The following SYT17 variants were observed in gnomAD, a reference collection of about 807,000 sequenced individuals.
The protein encoded by SYT17 is synaptotagmin 17.
In SYT17, 22 loss-of-function variants were observed where a neutral mutation model predicts 46.7. That is an observed-to-expected ratio of 0.47 (90% CI 0.34 to 0.67). The LOEUF (loss-of-function observed/expected upper bound fraction) is 0.67, where lower values mean the gene tolerates loss of function less well. Ranked by LOEUF, SYT17 falls within the 30% of genes least tolerant of loss-of-function variation. The pLI, the probability that SYT17 is intolerant of heterozygous loss-of-function variation, is 0.01. For synonymous variants in SYT17, 251 were observed against 248.4 expected, an observed-to-expected ratio of 1.01 and a Z score of -0.10; for missense variants, 519 against 612.8, an observed-to-expected ratio of 0.85 and a Z score of 1.62.
chr16:19,257,992 C>A (rs1397042923), intron 7 of SYT17, among the ~76,000 whole-genome samples: 1 of 151,920 alleles, frequency 6.6e-6, no homozygotes, highest in Non-Finnish European at 1.5e-5. Context: ...GTTTATTACA[C>A]CCACATTCTA....
At chr16:19,213,207 C>T (rs1477208063) in intron 5 of SYT17, among the ~76,000 whole-genome samples, 1 of 152,242 alleles carries the variant, frequency 6.6e-6, no homozygotes, top group African/African-American at 2.4e-5. Context: ...GTCTAGTCAT[C>T]ATGAGAGTGC....
intron 5 of SYT17, among the ~76,000 whole-genome samples, chr16:19,192,065 G>A (rs549109091): frequency 6.6e-6 from 1 of 152,284 alleles, no homozygotes; most frequent in South Asian, 2.1e-4. Context: ...TTACAGGCGC[G>A]AGCCACCGCG....
At chr16:19,224,958 C>T in intron 7 of SYT17, 120 bp downstream of exon 7, 1 of 1,173,208 alleles carries the variant, frequency 8.5e-7, no homozygotes, top group South Asian at 1.5e-5. Context: ...CATTCAACTA[C>T]CTGGGTTTGA....
chr16:19,259,826 TC>T (rs1968836935), intron 7 of SYT17, among the ~76,000 whole-genome samples: 1 of 152,168 alleles, frequency 6.6e-6, no homozygotes, highest in Non-Finnish European at 1.5e-5. Flanking sequence ...GAGTTTATTT[TC>T]CAAGGTTACG....
chr16:19,263,589 G>A lies in SYT17; in HGVS notation c.1229-3291G>A, dbSNP rs140960770. 9.4e-4 allele frequency among the ~76,000 whole-genome samples: 131 copies of A among 139,432 alleles called. 1 individual carries two copies. Among genetic ancestry groups the A allele is most frequent in the Middle Eastern group, 4.1e-3 (1 of 246 alleles). The allele number at this position is 139,432 out of a possible 152,430, so 91.5% of individuals were successfully genotyped here. A position where few individuals can be genotyped will look rare whatever the true frequency, so the allele number is the denominator to read the frequency against. Reference sequence around the variant, plus strand: ...CGGGAGGCAGAGGTTGCAGTGAGCCGAGATCACGCCACTGCATCCCAGCCT... The same window carrying A: ...CGGGAGGCAGAGGTTGCAGTGAGCCAAGATCACGCCACTGCATCCCAGCCT... On this transcript the variant is annotated intron_variant, in intron 7 of 7. Transcript: ENST00000355377.
At chr16:19,182,574 C>G (rs936192027) in intron 4 of SYT17, among the ~76,000 whole-genome samples, 6 of 152,148 alleles carry the variant, frequency 3.9e-5, no homozygotes, top group Non-Finnish European at 7.3e-5. Flanking sequence ...AGTCTCATGC[C>G]CAGCTCTGAA....
At chr16:19,256,205 C>A (rs1227898120) in intron 7 of SYT17, among the ~76,000 whole-genome samples, 10 of 152,014 alleles carry the variant, frequency 6.6e-5, no homozygotes, top group African/African-American at 2.4e-4. Context: ...TTGTATTTTT[C>A]ATAGCAACAG....
intron 7 of SYT17, among the ~76,000 whole-genome samples, chr16:19,251,144 ACAGG>A (rs1251563746): frequency 0.02 from 3,035 of 152,270 alleles, 87 homozygotes; most frequent in African/African-American, 0.07. Flanking sequence ...GCCCATCAAA[ACAGG>A]TGGCATTTCT....
chr16:19,228,471 G>T (rs1317280157), intron 7 of SYT17, among the ~76,000 whole-genome samples: 1 of 152,192 alleles, frequency 6.6e-6, no homozygotes, highest in Non-Finnish European at 1.5e-5. Context: ...AACCCTGGCT[G>T]TACCTTAGAA....
intron 5 of SYT17, among the ~76,000 whole-genome samples, chr16:19,191,679 A>G (rs968103420): frequency 2.6e-5 from 4 of 152,258 alleles, no homozygotes; most frequent in Non-Finnish European, 5.9e-5. Context: ...CAAATAGAGC[A>G]TATTTTAAAT....
At chr16:19,207,186 AC>A (rs1202817520) in intron 5 of SYT17, among the ~76,000 whole-genome samples, 1 of 152,100 alleles carries the variant, frequency 6.6e-6, no homozygotes, top group Non-Finnish European at 1.5e-5. Context: ...TGAGACCCTC[AC>A]CAGAAGCAGA....
intron 5 of SYT17, among the ~76,000 whole-genome samples, chr16:19,215,842 G>A (rs115858725): frequency 0.012 from 1,847 of 152,278 alleles, 40 homozygotes; most frequent in African/African-American, 0.042. Context: ...ACAATTCCAC[G>A]TGGCTGGGGA....
intron 5 of SYT17, among the ~76,000 whole-genome samples, chr16:19,216,609 A>G (rs1350969350): frequency 6.6e-6 from 1 of 151,830 alleles, no homozygotes; most frequent in African/African-American, 2.4e-5. Context: ...TTCAGCTCTC[A>G]CTTATGAGTG....
In SYT17 at chr16:19,227,047, G is replaced by C. The variant is rs139197258; in HGVS notation, c.1228+2209G>C. ...CACCTACTTTGGTGACCCTGGGCAA[G>C]ATCTGCGTGCTTAGGTTTTCTCAGC... On this transcript the variant is annotated intron_variant, in intron 7 of 7. Transcript: ENST00000355377. 6.5e-3 allele frequency among the ~76,000 whole-genome samples: 992 copies of C among 152,254 alleles called. 7 individuals carry two copies. Among genetic ancestry groups the C allele is most frequent in the African/African-American group, 0.022 (921 of 41,530 alleles).
At position 19,180,486 on chromosome 16, in the gene SYT17, G is replaced by A. The variant is rs1368595422; in HGVS notation, c.278G>A (p.Arg93His). The A allele has an allele frequency of 3.1e-6, 5 of 1,614,022 alleles. No homozygotes were observed. The highest frequency in any genetic ancestry group is 1.7e-5 in the Admixed American group (1 of 60,002). ...TPRTNSPDGR[R>H]SSSDTSKSTY... Reference sequence around the variant, plus strand: ...CGGACCAATTCCCCGGATGGAAGACGCTCGTCCTCAGACACATCCAAGTCT... The same window carrying A: ...CGGACCAATTCCCCGGATGGAAGACACTCGTCCTCAGACACATCCAAGTCT... Residue 93 changes from arginine to histidine, a missense_variant, in exon 4 of 8, where the codon CGC (arginine) becomes CAC (histidine). Transcript: ENST00000355377.
chr16:19,204,920 AC>A (rs950364383), intron 5 of SYT17, among the ~76,000 whole-genome samples: 30 of 151,706 alleles, frequency 2.0e-4, no homozygotes, highest in Admixed American at 2.0e-3. Context: ...CATCAGTGAC[AC>A]CCGCATTTAT....
chr16:19,187,542 T>C (rs1426543208), intron 5 of SYT17, among the ~76,000 whole-genome samples: 2 of 152,208 alleles, frequency 1.3e-5, no homozygotes, highest in East Asian at 3.9e-4. Context: ...AGGAAGGTCA[T>C]GCTATATGAG....
chr16:19,174,777 G>GGAAAAGTAGATAGGAATGCA (rs1395234238), intron 3 of SYT17, among the ~76,000 whole-genome samples: 5 of 135,724 alleles, frequency 3.7e-5, no homozygotes, highest in Non-Finnish European at 7.1e-5. Context: ...TTTGGAATGT[G>GGAAAAGTAGATAGGAATGCA]GAAAAGTAGT....
chr16:19,215,391 A>G (rs962541381), intron 5 of SYT17, among the ~76,000 whole-genome samples: 2 of 152,146 alleles, frequency 1.3e-5, no homozygotes, highest in Non-Finnish European at 2.9e-5. Context: ...ATTTATTTCA[A>G]ACATCCAAAT....
Sources: gnomAD v4.1 joint callset for allele counts (sites outside exome capture counted in the v4.1 genomes callset) on GRCh38, gnomAD v4.1.1 for gene constraint, MANE v1.5 for transcripts, NCBI Gene and HGNC (gene_info 2026-07-23, HGNC 2026-07-21) for gene names.